The following DIS3L2 variants were observed in gnomAD, a reference collection of about 807,000 sequenced individuals.
The protein encoded by DIS3L2 is DIS3 like 3'-5' exoribonuclease 2.
In DIS3L2, 34 loss-of-function variants were observed where a neutral mutation model predicts 97.5. The observed-to-expected ratio is 0.35, with a 90% CI of 0.27 to 0.46. The LOEUF (loss-of-function observed/expected upper bound fraction) is 0.46. Ranked by LOEUF, DIS3L2 falls within the 20% of genes least tolerant of loss-of-function variation. DIS3L2 has a pLI of 1.00. For missense variants in DIS3L2, 1,038 were observed against 1,146.0 expected (o/e 0.91, Z 1.36); for synonymous variants, 435 against 445.2 (o/e 0.98, Z 0.29).
At chr2:231,999,443 C>T (rs960895505) in intron 1 of DIS3L2, among the ~76,000 whole-genome samples, 27 of 152,162 alleles carry the variant, frequency 1.8e-4, no homozygotes, top group African/African-American at 5.1e-4. Flanking sequence ...CGTATATAGA[C>T]GCATCCGTAT....
chr2:231,978,291 TC>T (rs1215329254), intron 1 of DIS3L2, among the ~76,000 whole-genome samples: 1 of 152,228 alleles, frequency 6.6e-6, no homozygotes, highest in Admixed American at 6.5e-5. Context: ...CTTTCTCCTT[TC>T]TGAGGTAATC....
intron 5 of DIS3L2, among the ~76,000 whole-genome samples, chr2:232,056,753 C>G (rs1368852126): frequency 6.6e-6 from 1 of 152,158 alleles, no homozygotes; most frequent in Non-Finnish European, 1.5e-5. Flanking sequence ...CCCTGAAGGG[C>G]TGAAATAAAT....
At chr2:232,077,965 CTTTCTTTCTT>C (rs1330344835) in intron 5 of DIS3L2, among the ~76,000 whole-genome samples, 10 of 102,482 alleles carry the variant, frequency 9.8e-5, no homozygotes, top group African/African-American at 4.0e-4. Flanking sequence ...CTCTTTCTTT[CTTTCTTTCTT>C]TCTTTCTTTC....
chr2:232,315,203 C>T (rs1442307789), intron 14 of DIS3L2, among the ~76,000 whole-genome samples: 1 of 152,190 alleles, frequency 6.6e-6, no homozygotes, highest in Non-Finnish European at 1.5e-5. Flanking sequence ...GTGAGCGCCT[C>T]CAGCCCTCCC....
At chr2:232,288,176 T>C (rs766732817) in intron 13 of DIS3L2, among the ~76,000 whole-genome samples, 2 of 152,162 alleles carry the variant, frequency 1.3e-5, no homozygotes, top group Non-Finnish European at 2.9e-5. Context: ...TGGAATATGT[T>C]ATCCAGATAT....
intron 20 of DIS3L2, 148 bp downstream of exon 20, chr2:232,336,022 C>A: frequency 1.3e-6 from 2 of 1,522,746 alleles, no homozygotes; most frequent in South Asian, 2.5e-5. Context: ...CCCAGCTCAC[C>A]CAGACCCCCT....
At chr2:231,963,595 A>G (rs989858076) in intron 1 of DIS3L2, among the ~76,000 whole-genome samples, 1 of 152,166 alleles carries the variant, frequency 6.6e-6, no homozygotes, top group Non-Finnish European at 1.5e-5. Flanking sequence ...CTCTAGTTTA[A>G]TTAGTTCCAA....
At chr2:232,102,175 C>G (rs1370870105) in intron 6 of DIS3L2, among the ~76,000 whole-genome samples, 1 of 152,200 alleles carries the variant, frequency 6.6e-6, no homozygotes, top group African/African-American at 2.4e-5. Context: ...GCCCTAACTT[C>G]CAGTCTACTG....
chr2:232,107,102 C>T (rs375787401), intron 6 of DIS3L2, among the ~76,000 whole-genome samples: 9 of 152,050 alleles, frequency 5.9e-5, no homozygotes, highest in Admixed American at 2.0e-4. Flanking sequence ...ATGCAACTAA[C>T]GCAGTGTTAA....
At chr2:232,016,912 C>G (rs1048612711) in intron 3 of DIS3L2, among the ~76,000 whole-genome samples, 1 of 136,112 alleles carries the variant, frequency 7.3e-6, no homozygotes, top group East Asian at 2.3e-4. Flanking sequence ...CTCCCTCCCT[C>G]CCTCCCTCTC....
chr2:232,200,040 A>G (rs889085539), intron 9 of DIS3L2, among the ~76,000 whole-genome samples: 2 of 152,240 alleles, frequency 1.3e-5, no homozygotes, highest in African/African-American at 4.8e-5. Context: ...TAAACCACCA[A>G]AGAAATCAAA....
chr2:232,184,153 T>G (rs929027470), intron 9 of DIS3L2, among the ~76,000 whole-genome samples: 16 of 152,258 alleles, frequency 1.1e-4, no homozygotes, highest in Non-Finnish European at 1.6e-4. Context: ...AATTTGATTT[T>G]GACAGTTTTG....
chr2:232,195,779 A>G (rs1241537655), intron 9 of DIS3L2, among the ~76,000 whole-genome samples: 1 of 152,132 alleles, frequency 6.6e-6, no homozygotes, highest in Non-Finnish European at 1.5e-5. Flanking sequence ...GTTTGATAAT[A>G]ATAATGTTAT....
At chr2:232,091,112 G>A (rs1696825454) in intron 6 of DIS3L2, among the ~76,000 whole-genome samples, 1 of 152,168 alleles carries the variant, frequency 6.6e-6, no homozygotes, top group African/African-American at 2.4e-5. Flanking sequence ...CACTTTACAA[G>A]CAGTAGCTTT....
intron 5 of DIS3L2, among the ~76,000 whole-genome samples, chr2:232,059,939 A>G (rs767369418): frequency 2.6e-5 from 4 of 152,140 alleles, no homozygotes; most frequent in Non-Finnish European, 4.4e-5. Flanking sequence ...TAGTGCTGCA[A>G]TGAACATATG....
chr2:232,329,787 C>CCCGGGGCG, intron 14 of DIS3L2, 26 bp from the exon 15 acceptor site: 6 of 1,062,210 alleles, frequency 5.6e-6, no homozygotes, highest in Non-Finnish European at 7.7e-6. Context: ...CCCAGCGGTC[C>CCCGGGGCG]CTCCCATCCC....
intron 14 of DIS3L2, among the ~76,000 whole-genome samples, chr2:232,312,596 A>G (rs1451681117): frequency 2.0e-5 from 3 of 152,234 alleles, no homozygotes; most frequent in Admixed American, 6.5e-5. Context: ...CCATTTCCAT[A>G]TAGATTTTAG....
At chr2:231,983,648 T>C (rs2106181562) in intron 1 of DIS3L2, among the ~76,000 whole-genome samples, 1 of 152,284 alleles carries the variant, frequency 6.6e-6, no homozygotes, top group Admixed American at 6.5e-5. Context: ...CCCAGCACTT[T>C]GGGAGGCCAA....
At chr2:232,117,072 T>A (rs1245464052) in intron 6 of DIS3L2, among the ~76,000 whole-genome samples, 1 of 152,180 alleles carries the variant, frequency 6.6e-6, no homozygotes. Flanking sequence ...TCAGAGCCCC[T>A]TTGGTACCTG....
Sources: gnomAD v4.1 joint callset for allele counts (sites outside exome capture counted in the v4.1 genomes callset) on GRCh38, gnomAD v4.1.1 for gene constraint, MANE v1.5 for transcripts, NCBI Gene and HGNC (gene_info 2026-07-23, HGNC 2026-07-21) for gene names.